Variants in CA12 observed in about 807,000 individuals in gnomAD.
CA12 encodes the protein carbonic anhydrase 12.
CA12 carries 36 observed loss-of-function variants against 46.8 expected under a neutral mutation model. The ratio of observed to expected loss-of-function variants is 0.77; its 90% CI spans 0.59 to 1.02. The LOEUF (loss-of-function observed/expected upper bound fraction) is 1.02, where lower values mean the gene tolerates loss of function less well. CA12 is among the 50% of genes least tolerant of loss of function. The pLI is 0.00. For missense variants in CA12, 436 were observed against 451.4 expected (o/e 0.97, Z 0.31); for synonymous variants, 202 against 187.0 (o/e 1.08, Z -0.65).
chr15:63,336,366 C>T (rs967210681), intron 8 of CA12, among the ~76,000 whole-genome samples: 2 of 152,036 alleles, frequency 1.3e-5, no homozygotes, highest in Non-Finnish European at 2.9e-5. Flanking sequence ...TCGTTACAAG[C>T]GGGGGTTACT....
At chr15:63,346,133 T>C (rs1179717321) in intron 3 of CA12, among the ~76,000 whole-genome samples, 2 of 152,178 alleles carry the variant, frequency 1.3e-5, no homozygotes, top group Non-Finnish European at 2.9e-5. Context: ...TTCTCATGGC[T>C]CGTAAGCAGT....
intron 2 of CA12, among the ~76,000 whole-genome samples, chr15:63,356,577 G>T (rs1364764902): frequency 1.4e-3 from 7 of 5,000 alleles, no homozygotes; most frequent in Non-Finnish European, 2.8e-3. Flanking sequence ...AAGCTGGAAT[G>T]CAGTAGCGTG....
In CA12 at chr15:63,330,414, C is replaced by T. The variant is rs2038922523; in HGVS notation, c.875-2284G>A. Among the ~76,000 whole-genome samples, 1 of 152,230 alleles carries T rather than the reference C, an allele frequency of 6.6e-6. No individual in the cohort carries two copies. On this transcript the variant is annotated intron_variant, in intron 8 of 10. Transcript: ENST00000178638. This position sits in a 1 kb window ranked among gnomAD's most constrained non-coding sequence, Gnocchi z 4.0. ...CTTCCCAACCCTTTGATGAAATACA[C>T]TCTCGTTCTTTGTTCCTGAAGCTCC...
rs2038885012 is a variant in CA12 at position 63,327,617 on chromosome 15, A to G, written c.908-384T>C. Among the ~76,000 whole-genome samples, 1 of 152,126 alleles carries G rather than the reference A, an allele frequency of 6.6e-6. No individual in the cohort carries two copies. Among genetic ancestry groups the G allele is most frequent in the African/African-American group, 2.4e-5 (1 of 41,422 alleles). ...AGCTGATACTGATGCACGTGGTCCA[A>G]GAACCACACTTTGATAAGCCCTGGG... is the stretch of plus-strand genomic sequence containing the variant. On this transcript the variant is annotated intron_variant, in intron 9 of 10. Coordinates refer to ENST00000178638, the MANE Select transcript of CA12 (RefSeq NM_001218.5). The surrounding 1 kb of genome is among the most constrained non-coding windows in gnomAD (Gnocchi z 4.5).
chr15:63,347,396 T>C (rs1054795161), intron 2 of CA12, among the ~76,000 whole-genome samples: 5 of 152,156 alleles, frequency 3.3e-5, no homozygotes, highest in Admixed American at 6.5e-5. Flanking sequence ...CCCAATCTGA[T>C]AGGGATGATT....
At position 63,327,952 on chromosome 15, in the gene CA12, C is replaced by T; in HGVS notation, c.907+146G>A. 3 of 728,154 alleles carry T rather than the reference C, an allele frequency of 4.1e-6. No individual in the cohort carries two copies. Among genetic ancestry groups the T allele is most frequent in the East Asian group, 2.6e-5 (1 of 38,312 alleles). 45.1% of individuals were successfully genotyped at this position (728,154 alleles called of 1,614,324 possible). ...GGCAGTTCATCTTTGAATCACAGAG[C>T]GACTTGAGGGTAAGACCCATAGCAA... On this transcript the variant is annotated intron_variant, in intron 9 of 10. Coordinates refer to ENST00000178638, the MANE Select transcript of CA12 (RefSeq NM_001218.5). This position sits in a 1 kb window ranked among gnomAD's most constrained non-coding sequence, Gnocchi z 4.5.
rs892122480 is a variant in CA12, at chr15:63,372,681, T to C, written c.106+2977A>G. 6.5e-4 allele frequency among the ~76,000 whole-genome samples: 99 copies of C among 152,266 alleles called. No individual in the cohort carries two copies. The highest frequency in any genetic ancestry group is 2.3e-3 in the African/African-American group (95 of 41,552). On this transcript the variant is annotated intron_variant, in intron 2 of 10. Coordinates refer to ENST00000178638, the MANE Select transcript of CA12 (RefSeq NM_001218.5). This position sits in a 1 kb window ranked among gnomAD's most constrained non-coding sequence, Gnocchi z 4.5. ...TCCAGCACTTATGCTGGGCCCTCTG[T>C]CTACCTGTGCAGCCCTGAGCACAGG...
rs1451334829 is a variant in CA12 at position 63,328,959 on chromosome 15, C to T, written c.875-829G>A. The stretch of plus-strand genomic sequence containing the variant: ...CAAGTGATCCACCTGCCTCGGCCTC[C>T]CAAACTATGGGGATTACAGGTGTGA... On this transcript the variant is annotated intron_variant, in intron 8 of 10. Coordinates refer to ENST00000178638, the MANE Select transcript of CA12 (RefSeq NM_001218.5). The surrounding 1 kb of genome is among the most constrained non-coding windows in gnomAD (Gnocchi z 5.9). Among the ~76,000 whole-genome samples, 1 of 152,236 alleles carries T rather than the reference C, an allele frequency of 6.6e-6. No individual in the cohort carries two copies. Among genetic ancestry groups the T allele is most frequent in the Non-Finnish European group, 1.5e-5 (1 of 68,038 alleles).
chr15:63,346,585 T>C lies in CA12; in HGVS notation c.231A>G (p.Gln77=), dbSNP rs2039151794. 1 of 1,613,926 alleles carries C rather than the reference T, an allele frequency of 6.2e-7. No homozygotes were observed. The highest frequency in any genetic ancestry group is 1.3e-5 in the African/African-American group (1 of 74,872). The stretch of plus-strand genomic sequence containing the variant: ...GCTTGTTGGCAGACAGATTGTAGCC[T>C]TGGAACTCGAGGGGCGTGAGGCTGG... ...YDASLTPLEF[Q]GYNLSANKQF... Residue 77 remains glutamine (Q), a synonymous_variant, in exon 3 of 11, where the codon CAA becomes CAG. Transcript: ENST00000178638.
At chr15:63,360,448 T>TA (rs2039346863) in intron 2 of CA12, among the ~76,000 whole-genome samples, 1 of 152,202 alleles carries the variant, frequency 6.6e-6, no homozygotes. Flanking sequence ...AAACGTCCTT[T>TA]AAAAGCAAGT....
chr15:63,342,472 A>G (rs567423340), intron 4 of CA12, among the ~76,000 whole-genome samples: 4 of 152,304 alleles, frequency 2.6e-5, no homozygotes, highest in Admixed American at 6.5e-5. Context: ...CTGGGTTCCA[A>G]TAAGGGGTTG....
At position 63,338,795 on chromosome 15, in the gene CA12, C is replaced by T. The variant is rs374509602; in HGVS notation, c.874+24G>A. The T allele has an allele frequency of 1.2e-4, 195 of 1,612,604 alleles. No homozygotes were observed. In the Middle Eastern group the frequency reaches 2.5e-3, roughly 20 times the overall value. ...TTGGCACCACACTCCCGCACCCCCTCCCCCCAGCACTGCCTCTCCTCACCT... is the reference window on the plus strand; with the variant it reads ...TTGGCACCACACTCCCGCACCCCCTTCCCCCAGCACTGCCTCTCCTCACCT... On this transcript the variant is annotated intron_variant, in intron 8 of 10. Transcript: ENST00000178638.
At chr15:63,344,658 G>A (rs190181302) in intron 4 of CA12, among the ~76,000 whole-genome samples, 280 of 152,222 alleles carry the variant, frequency 1.8e-3, no homozygotes, top group African/African-American at 5.7e-3. Context: ...GAGGGGAATG[G>A]TCTCTATTTA....
chr15:63,322,955 C>G lies in CA12; in HGVS notation c.*3330G>C, dbSNP rs2038812343. 6.6e-6 allele frequency: 1 copy of G among 152,240 alleles called. No individual in the cohort carries two copies. Among genetic ancestry groups the G allele is most frequent in the African/African-American group, 2.4e-5 (1 of 41,454 alleles). 9.4% of individuals were successfully genotyped at this position (152,240 alleles called of 1,614,324 possible). On this transcript the variant is annotated 3_prime_UTR_variant, in exon 11 of 11. Coordinates refer to ENST00000178638, the MANE Select transcript of CA12 (RefSeq NM_001218.5). The surrounding 1 kb of genome is among the most constrained non-coding windows in gnomAD (Gnocchi z 4.1). ...AAATTGGATGCTTTTCTAAATAAGG[C>G]AAACAATGATGGTACCTATTTTATA...
chr15:63,351,340 C>T (rs1434061611), intron 2 of CA12, among the ~76,000 whole-genome samples: 1 of 152,252 alleles, frequency 6.6e-6, no homozygotes, highest in Non-Finnish European at 1.5e-5. Flanking sequence ...CCTTGTTACA[C>T]TGCCAGGCTG....
chr15:63,327,186 C>A lies in CA12; in HGVS notation c.955G>T (p.Val319Leu), dbSNP rs1567039681. 2 of 1,614,056 alleles carry A rather than the reference C, an allele frequency of 1.2e-6. No homozygotes were observed. Among genetic ancestry groups the A allele is most frequent in the Non-Finnish European group, 1.7e-6 (2 of 1,179,978 alleles). ...ALAGILGICI[V>L]VVVSIWLFRR... ...AAAAGCCAAATGGACACCACCACCA[C>A]AATACAGATGCCAAGAATGCCAGCC... The change falls in exon 10 of 11, where the codon GTG (valine) becomes TTG (leucine). Residue 319 changes from valine (V) to leucine (L), a missense_variant. Transcript: ENST00000178638. This position sits in a 1 kb window ranked among gnomAD's most constrained non-coding sequence, Gnocchi z 4.5.
At position 63,340,691 on chromosome 15, in the gene CA12, G is replaced by A. The variant is rs775475611; in HGVS notation, c.589+29C>T. The A allele has an allele frequency of 2.5e-6, 4 of 1,604,460 alleles. No individual in the cohort carries two copies. The highest frequency in any genetic ancestry group is 3.4e-6 in the Non-Finnish European group (4 of 1,171,172). On this transcript the variant is annotated intron_variant, in intron 6 of 10. Transcript: ENST00000178638. This position sits in a 1 kb window ranked among gnomAD's most constrained non-coding sequence, Gnocchi z 4.4. ...GCTGACTACCTCCTTCTCCAGCAGA[G>A]AGTGAATATGCATGCAAGGACCCCT...
At chr15:63,338,776 C>A (rs765576040) in intron 8 of CA12, 43 bp downstream of exon 8, 2 of 1,612,268 alleles carry the variant, frequency 1.2e-6, no homozygotes, top group South Asian at 1.1e-5. Flanking sequence ...TGTCTTGGCA[C>A]CACACTCCCG....
intron 2 of CA12, among the ~76,000 whole-genome samples, chr15:63,357,266 A>T (rs933265345): frequency 6.6e-6 from 1 of 152,204 alleles, no homozygotes; most frequent in African/African-American, 2.4e-5. Context: ...GCTGGGCCAC[A>T]CCCTCAGAGT....
Sources: gnomAD v4.1 joint callset for allele counts (sites outside exome capture counted in the v4.1 genomes callset) on GRCh38, gnomAD v4.1.1 for gene constraint, Gnocchi (gnomAD v3.1) non-coding constraint, MANE v1.5 for transcripts, NCBI Gene and HGNC (gene_info 2026-07-23, HGNC 2026-07-21) for gene names.